The following TRHDE variants were observed in gnomAD, a reference collection of about 807,000 sequenced individuals.
TRHDE encodes the protein thyrotropin releasing hormone degrading enzyme.
Under a neutral mutation model 125.7 loss-of-function variants are expected in TRHDE, and 72 were observed. The observed-to-expected ratio is 0.57, with a 90% CI of 0.47 to 0.70. The LOEUF (loss-of-function observed/expected upper bound fraction) is 0.70. Among genes scored for constraint, TRHDE ranks in the 30% least tolerant of loss-of-function variants. TRHDE has a pLI of 0.00. For missense variants in TRHDE, 1,110 were observed against 1,327.1 expected (o/e 0.84, Z 2.54); for synonymous variants, 509 against 509.1 (o/e 1.00, Z 0.00).
intron 2 of TRHDE, among the ~76,000 whole-genome samples, chr12:72,122,939 TAACAAC>T (rs1404415866): frequency 6.6e-6 from 1 of 151,874 alleles, no homozygotes; most frequent in African/African-American, 2.4e-5. Flanking sequence ...AAGTGAAAGC[TAACAAC>T]AACAACAACA....
intron 2 of TRHDE, among the ~76,000 whole-genome samples, chr12:72,221,903 C>T (rs945151061): frequency 1.3e-5 from 2 of 152,054 alleles, no homozygotes; most frequent in Non-Finnish European, 2.9e-5. Context: ...CATGCAGTTG[C>T]AGTGAAATGA....
intron 5 of TRHDE, among the ~76,000 whole-genome samples, chr12:72,478,869 G>A (rs969191379): frequency 1.5e-3 from 207 of 137,066 alleles, no homozygotes; most frequent in African/African-American, 5.7e-3. Context: ...AAGCAGGCCT[G>A]ACACTGGAAT....
rs143023517 is a variant in TRHDE at position 72,618,939 on chromosome 12, G to C, written c.2370G>C (p.Leu790=). The C allele has an allele frequency of 1.9e-6, 3 of 1,593,192 alleles. No homozygotes were observed. The highest frequency in any genetic ancestry group is 2.7e-5 in the African/African-American group (2 of 73,702). ...TTCCTCTGGAGATTATCAGATACCT[G>C]TCTGAGGAGAAGGATTTTCTTCCTT... The part of the protein sequence containing the change: ...QNIPLEIIRY[L]SEEKDFLPWH... Residue 790 remains leucine, a synonymous_variant, in exon 13 of 19, where the codon CTG becomes CTC. Coordinates refer to ENST00000261180, the MANE Select transcript of TRHDE (RefSeq NM_013381.3).
At chr12:72,262,014 T>C (rs1385028772) in intron 2 of TRHDE, among the ~76,000 whole-genome samples, 1 of 152,148 alleles carries the variant, frequency 6.6e-6, no homozygotes, top group Non-Finnish European at 1.5e-5. Context: ...CTAATTCTTT[T>C]AGAATTGTGG....
intron 2 of TRHDE, among the ~76,000 whole-genome samples, chr12:72,191,775 T>C (rs1448195647): frequency 6.6e-6 from 1 of 152,180 alleles, no homozygotes; most frequent in Non-Finnish European, 1.5e-5. Context: ...TGGTATTTTG[T>C]GATTCATGGA....
chr12:72,097,296 G>A (rs115559614), intron 1 of TRHDE, among the ~76,000 whole-genome samples: 1,986 of 152,268 alleles, frequency 0.013, 41 homozygotes, highest in African/African-American at 0.046. Context: ...TAGGAGTCAG[G>A]AGATAGAGAA....
At chr12:72,481,113 T>C (rs1877147758) in intron 5 of TRHDE, among the ~76,000 whole-genome samples, 1 of 152,030 alleles carries the variant, frequency 6.6e-6, no homozygotes, top group African/African-American at 2.4e-5. Context: ...TTCATTAATT[T>C]TCTAATTATT....
chr12:72,209,353 T>C (rs1329291000), intron 2 of TRHDE, among the ~76,000 whole-genome samples: 1 of 152,158 alleles, frequency 6.6e-6, no homozygotes, highest in Non-Finnish European at 1.5e-5. Flanking sequence ...ATCAATGTAA[T>C]GGGAGATGGC....
At chr12:72,452,997 C>A (rs1875656273) in intron 3 of TRHDE, among the ~76,000 whole-genome samples, 1 of 152,174 alleles carries the variant, frequency 6.6e-6, no homozygotes, top group Admixed American at 6.5e-5. Flanking sequence ...AACAGCCTAA[C>A]ACAGATCATT....
intron 6 of TRHDE, among the ~76,000 whole-genome samples, chr12:72,528,846 T>G (rs1184847679): frequency 6.6e-6 from 1 of 152,136 alleles, no homozygotes; most frequent in Non-Finnish European, 1.5e-5. Context: ...TTGGGGCATT[T>G]TAGTCTTCCA....
intron 6 of TRHDE, among the ~76,000 whole-genome samples, chr12:72,503,829 G>A (rs1878251799): frequency 6.6e-6 from 1 of 152,106 alleles, no homozygotes; most frequent in Admixed American, 6.6e-5. Context: ...AGCTATATCT[G>A]TTTCCCCAAA....
At chr12:72,551,503 TAACAA>T (rs761595841) in intron 7 of TRHDE, among the ~76,000 whole-genome samples, 3 of 152,200 alleles carry the variant, frequency 2.0e-5, no homozygotes, top group African/African-American at 7.2e-5. Flanking sequence ...TGTTTTGTGC[TAACAA>T]AACAAAATTA....
At chr12:72,469,526 A>G (rs936338381) in intron 3 of TRHDE, among the ~76,000 whole-genome samples, 3 of 152,198 alleles carry the variant, frequency 2.0e-5, no homozygotes, top group Non-Finnish European at 4.4e-5. Context: ...CCAGCTACCT[A>G]TAGCACTGGG....
At chr12:72,167,359 T>G (rs1014751258) in intron 2 of TRHDE, among the ~76,000 whole-genome samples, 2 of 151,856 alleles carry the variant, frequency 1.3e-5, no homozygotes, top group African/African-American at 4.9e-5. Flanking sequence ...GTAGACAGAT[T>G]ATATGAAGCC....
At chr12:72,469,735 G>T in intron 3 of TRHDE, 23 bp from the exon 4 acceptor site, 8 of 1,611,008 alleles carry the variant, frequency 5.0e-6, no homozygotes, top group South Asian at 1.1e-5. Context: ...AAAGCCTTTG[G>T]AACTGTTTTA....
chr12:72,381,489 G>A (rs937055704), intron 3 of TRHDE, among the ~76,000 whole-genome samples: 5 of 147,948 alleles, frequency 3.4e-5, no homozygotes, highest in Non-Finnish European at 4.5e-5. Context: ...TCCGCCTCCC[G>A]GGTTCACGCC....
chr12:72,109,380 A>G (rs554520576), intron 2 of TRHDE, among the ~76,000 whole-genome samples: 2 of 152,210 alleles, frequency 1.3e-5, no homozygotes, highest in African/African-American at 4.8e-5. Flanking sequence ...TAGTCAAAGA[A>G]AAGAGTGTCT....
intron 2 of TRHDE, among the ~76,000 whole-genome samples, chr12:72,264,881 A>T (rs1286185309): frequency 6.6e-6 from 1 of 150,914 alleles, no homozygotes; most frequent in Non-Finnish European, 1.5e-5. Flanking sequence ...CCGATAACTC[A>T]AAACAGTTAT....
At chr12:72,247,424 A>G (rs1318428758) in intron 2 of TRHDE, among the ~76,000 whole-genome samples, 2 of 152,178 alleles carry the variant, frequency 1.3e-5, no homozygotes, top group East Asian at 3.8e-4. Flanking sequence ...AGGGACCTCC[A>G]CTGGTCCATG....
Sources: allele counts gnomAD v4.1 joint callset (sites outside exome capture counted in the v4.1 genomes callset), GRCh38; gene constraint gnomAD v4.1.1; transcripts MANE v1.5; gene names NCBI Gene and HGNC (gene_info 2026-07-23, HGNC 2026-07-21).